Variants in PRKAA1 observed in about 807,000 individuals in gnomAD.
PRKAA1 encodes 5'-AMP-activated protein kinase catalytic subunit alpha-1.
PRKAA1 carries 23 observed loss-of-function variants against 56.9 expected under a neutral mutation model. The ratio of observed to expected loss-of-function variants is 0.40; its 90% CI spans 0.29 to 0.57. The LOEUF (loss-of-function observed/expected upper bound fraction) is 0.57. Ranked by LOEUF, PRKAA1 falls within the 20% of genes least tolerant of loss-of-function variation. The probability of loss-of-function intolerance (pLI) is 0.39; values close to 1 mark genes in which losing one functional copy is unlikely to be tolerated. For missense variants in PRKAA1, 413 were observed against 679.7 expected (o/e 0.61, Z 4.36); for synonymous variants, 226 against 227.0 (o/e 1.00, Z 0.04).
chr5:40,786,842 C>A (rs1012747323), intron 1 of PRKAA1, among the ~76,000 whole-genome samples: 1 of 142,356 alleles, frequency 7.0e-6, no homozygotes, highest in African/African-American at 2.6e-5. Context: ...GCCTGTAATC[C>A]TAGCTACTTG....
intron 8 of PRKAA1, 122 bp downstream of exon 8, chr5:40,764,392 A>C (rs1396831647): frequency 1.0e-6 from 1 of 958,704 alleles, no homozygotes; most frequent in Non-Finnish European, 1.5e-6. Flanking sequence ...AAGAAATCAC[A>C]TTTTTTATTC....
intron 1 of PRKAA1, among the ~76,000 whole-genome samples, chr5:40,797,611 G>A (rs1003873702): frequency 1.3e-5 from 2 of 152,220 alleles, no homozygotes; most frequent in African/African-American, 2.4e-5. Context: ...CTCCTACAGA[G>A]GACGGAAATA....
At chr5:40,795,008 T>TATACACACACAC (rs750732309) in intron 1 of PRKAA1, among the ~76,000 whole-genome samples, 8 of 150,056 alleles carry the variant, frequency 5.3e-5, no homozygotes, top group African/African-American at 1.2e-4. Context: ...TACATATATA[T>TATACACACACAC]ACACACACAC....
intron 5 of PRKAA1, among the ~76,000 whole-genome samples, 170 bp from the exon 6 acceptor site, chr5:40,767,860 AAAGTC>A (rs1343687336): frequency 1.5e-4 from 2 of 13,540 alleles, no homozygotes; most frequent in Non-Finnish European, 2.6e-4. Context: ...TTTGAAAACA[AAAGTC>A]AAGAAGTTTG....
intron 5 of PRKAA1, chr5:40,768,752 C>T: frequency 7.5e-7 from 1 of 1,324,596 alleles, no homozygotes; most frequent in South Asian, 2.1e-5. Flanking sequence ...CATTATAAAT[C>T]TAGCAAACTT....
At chr5:40,775,371 G>A (rs758709053) in intron 3 of PRKAA1, 39 bp downstream of exon 3, 51 of 1,492,282 alleles carry the variant, frequency 3.4e-5, no homozygotes, top group Non-Finnish European at 3.6e-5. Flanking sequence ...ATAAAGGGGA[G>A]TTACAAAATA....
intron 4 of PRKAA1, among the ~76,000 whole-genome samples, chr5:40,771,262 T>G (rs2112012667): frequency 6.6e-6 from 1 of 152,290 alleles, no homozygotes; most frequent in South Asian, 2.1e-4. Flanking sequence ...TCCCAATACT[T>G]TGGGAAGCTG....
At position 40,797,695 on chromosome 5, in the gene PRKAA1, G is replaced by A. The variant is rs531661683; in HGVS notation, c.127+368C>T. On this transcript the variant is annotated intron_variant, in intron 1 of 8. Coordinates refer to ENST00000397128, the MANE Select transcript of PRKAA1 (RefSeq NM_006251.6). ...AAGGGAGCACAACCCGGGCGCACAA[G>A]ATGCCGCCTCCCCGGGGATCGCGCC... 4.5e-4 allele frequency among the ~76,000 whole-genome samples: 69 copies of A among 152,350 alleles called. 1 individual carries two copies. The South Asian group carries it at 0.014, about 31-fold the overall frequency.
At chr5:40,771,908 T>C (rs775044042) in intron 3 of PRKAA1, 45 bp from the exon 4 acceptor site, 5 of 1,577,976 alleles carry the variant, frequency 3.2e-6, no homozygotes, top group Non-Finnish European at 3.4e-6. Context: ...TCTTTCAAAG[T>C]AAATTGTCCT....
rs759238593 is a variant in PRKAA1 at position 40,777,431 on chromosome 5, T to C, written c.269+14A>G. 3.2e-6 allele frequency: 5 copies of C among 1,568,982 alleles called. No individual in the cohort carries two copies. The highest frequency in any genetic ancestry group is 4.3e-6 in the Non-Finnish European group (5 of 1,149,774). ...AAAGATGACTGGACTATATTTAATA[T>C]AAACAGAGCTTACAGTTTAATTATA... is the stretch of plus-strand genomic sequence containing the variant. On this transcript the variant is annotated intron_variant, in intron 2 of 8. Transcript: ENST00000397128.
chr5:40,765,760 A>AC (rs34350855), intron 6 of PRKAA1, among the ~76,000 whole-genome samples: 113,733 of 151,764 alleles, frequency 0.75, 42,695 homozygotes, highest in East Asian at 0.86. Context: ...TTAAAAAAAA[A>AC]ATCAAGGAAC....
intron 1 of PRKAA1, among the ~76,000 whole-genome samples, chr5:40,782,965 T>C (rs1744322310): frequency 6.6e-6 from 1 of 152,168 alleles, no homozygotes; most frequent in South Asian, 2.1e-4. Context: ...ATTAATTGTT[T>C]TAAAGTATGG....
intron 1 of PRKAA1, among the ~76,000 whole-genome samples, chr5:40,781,262 G>T (rs1744254622): frequency 6.6e-6 from 1 of 152,094 alleles, no homozygotes; most frequent in Admixed American, 6.5e-5. Context: ...TGGCATTAGG[G>T]ATTTGGTCTT....
chr5:40,779,688 G>A (rs771130764), intron 1 of PRKAA1, among the ~76,000 whole-genome samples: 35 of 152,108 alleles, frequency 2.3e-4, no homozygotes, highest in Non-Finnish European at 3.7e-4. Context: ...ATCAAAAACT[G>A]CAATGGGTCA....
rs908393831 is a variant in PRKAA1, at chr5:40,785,422, T to G, written c.128-7836A>C. Among the ~76,000 whole-genome samples the G allele has an allele frequency of 2.0e-5, 3 of 151,988 alleles. No homozygotes were observed. The East Asian group carries it at 5.8e-4, about 29-fold the overall frequency. ...GCCCGGCTAATTTTTGTATGTTTAG[T>G]AGAGATGGGGTTTCACCATGTTGGT... is the stretch of plus-strand genomic sequence containing the variant. On this transcript the variant is annotated intron_variant, in intron 1 of 8. Transcript: ENST00000397128.
At chr5:40,764,041 C>T (rs867296997) in intron 8 of PRKAA1, among the ~76,000 whole-genome samples, 1 of 152,174 alleles carries the variant, frequency 6.6e-6, no homozygotes, top group African/African-American at 2.4e-5. Flanking sequence ...TCCCAAAGTG[C>T]TGGGCTGTTT....
chr5:40,794,544 G>A (rs1255769358), intron 1 of PRKAA1, among the ~76,000 whole-genome samples: 1 of 129,152 alleles, frequency 7.7e-6, no homozygotes, highest in African/African-American at 2.6e-5. Flanking sequence ...TGGGTTCTTA[G>A]TCATTAAATC....
intron 3 of PRKAA1, 40 bp from the exon 4 acceptor site, chr5:40,771,903 C>A (rs1242039022): frequency 6.3e-7 from 1 of 1,588,018 alleles, no homozygotes; most frequent in Non-Finnish European, 8.5e-7. Context: ...GTGTGTCTTT[C>A]AAAGTAAATT....
chr5:40,760,903 T>A lies in PRKAA1; in HGVS notation c.*1875A>T, dbSNP rs1229606036. ...AAAATGATTAATACAAAAAAATCAA[T>A]TTCTTAAAGTTAACATAAGGCAAAT... On this transcript the variant is annotated 3_prime_UTR_variant, in exon 9 of 9. Transcript: ENST00000397128. 1 of 152,274 alleles carries A rather than the reference T, an allele frequency of 6.6e-6. No homozygotes were observed. Among genetic ancestry groups the A allele is most frequent in the Non-Finnish European group, 1.5e-5 (1 of 67,990 alleles). 9.4% of individuals were successfully genotyped at this position (152,274 alleles called of 1,614,324 possible).
Sources: allele counts gnomAD v4.1 joint callset (sites outside exome capture counted in the v4.1 genomes callset), GRCh38; gene constraint gnomAD v4.1.1; transcripts MANE v1.5; gene names NCBI Gene and HGNC (gene_info 2026-07-23, HGNC 2026-07-21).